MGAT4C: variants seen among roughly 807,000 people sequenced by gnomAD.
MGAT4C encodes the protein alpha-1,3-mannosyl-glycoprotein 4-beta-N-acetylglucosaminyltransferase C.
A neutral mutation model predicts 40.1 loss-of-function variants in MGAT4C; 19 were observed. The ratio of observed to expected loss-of-function variants is 0.47; its 90% CI spans 0.33 to 0.70. MGAT4C has a LOEUF of 0.70. Ranked by LOEUF, MGAT4C falls within the 30% of genes least tolerant of loss-of-function variation. The pLI is 0.02. For missense variants in MGAT4C, 491 were observed against 563.2 expected (o/e 0.87, Z 1.30); for synonymous variants, 181 against 187.1 (o/e 0.97, Z 0.27).
chr12:86,200,544 C>T (rs1242142478), intron 1 of MGAT4C, among the ~76,000 whole-genome samples: 1 of 152,026 alleles, frequency 6.6e-6, no homozygotes, highest in Non-Finnish European at 1.5e-5. Flanking sequence ...TTTAGGCCTT[C>T]TAGTAGATAA....
chr12:86,042,911 A>G (rs73380012), intron 2 of MGAT4C, among the ~76,000 whole-genome samples: 12,615 of 150,922 alleles, frequency 0.084, 1,192 homozygotes, highest in African/African-American at 0.23. Context: ...TAGGCCCCCA[A>G]TATTTTCTGG....
At chr12:86,418,613 T>C (rs1046739498) in intron 3 of MGAT4C, among the ~76,000 whole-genome samples, 1 of 151,290 alleles carries the variant, frequency 6.6e-6, no homozygotes, top group African/African-American at 2.4e-5. Flanking sequence ...AATAAATAAA[T>C]AAATAAATAA....
intron 2 of MGAT4C, among the ~76,000 whole-genome samples, chr12:86,711,413 C>T (rs1263975256): frequency 6.6e-6 from 1 of 152,002 alleles, no homozygotes; most frequent in Non-Finnish European, 1.5e-5. Context: ...GAGATGGGCA[C>T]ATTGGCCCAA....
At chr12:86,757,610 T>C (rs1951327882) in intron 1 of MGAT4C, among the ~76,000 whole-genome samples, 2 of 152,174 alleles carry the variant, frequency 1.3e-5, no homozygotes, top group African/African-American at 4.8e-5. Context: ...TTCCAGGTGA[T>C]ACCTGCATAG....
chr12:86,690,366 A>G (rs890410490), intron 2 of MGAT4C, among the ~76,000 whole-genome samples: 1 of 152,130 alleles, frequency 6.6e-6, no homozygotes, highest in Non-Finnish European at 1.5e-5. Flanking sequence ...GGGGTACGAA[A>G]AAGACTCCTG....
chr12:86,388,848 AT>A (rs1225238302), intron 3 of MGAT4C, among the ~76,000 whole-genome samples: 2 of 151,046 alleles, frequency 1.3e-5, no homozygotes, highest in Admixed American at 6.6e-5. Flanking sequence ...TGCCTGGCTA[AT>A]TTTTTTGTAT....
At chr12:86,357,488 G>T (rs943025444) in intron 3 of MGAT4C, among the ~76,000 whole-genome samples, 2 of 152,172 alleles carry the variant, frequency 1.3e-5, no homozygotes, top group African/African-American at 4.8e-5. Flanking sequence ...TTGACAAGTT[G>T]AGAGAAGAAG....
chr12:86,221,521 T>A (rs1378235663), intron 1 of MGAT4C, among the ~76,000 whole-genome samples: 1 of 152,130 alleles, frequency 6.6e-6, no homozygotes, highest in Non-Finnish European at 1.5e-5. Context: ...AAGAAGGGAA[T>A]TGTTAAATTA....
intron 2 of MGAT4C, among the ~76,000 whole-genome samples, chr12:86,695,969 T>C (rs149394070): frequency 5.8e-4 from 88 of 152,018 alleles, no homozygotes; most frequent in African/African-American, 1.6e-3. Context: ...CTCAGCACTT[T>C]GGGAGGCTGA....
rs117159019 is a variant in MGAT4C at position 86,770,760 on chromosome 12, T to C, written c.-261-43519A>G. On this transcript the variant is annotated intron_variant, in intron 1 of 7. Coordinates refer to the MGAT4C transcript ENST00000548651. ...TAATCTTAATCTTCCCTATTTGAAA[T>C]TTAGGTGTCAAATTAGAAAAAGGGA... 9.9e-5 allele frequency among the ~76,000 whole-genome samples: 15 copies of C among 152,192 alleles called. No homozygotes were observed. The East Asian group carries it at 2.3e-3, about 24-fold the overall frequency.
At chr12:86,802,636 C>G (rs958496218) in intron 1 of MGAT4C, among the ~76,000 whole-genome samples, 24 of 150,812 alleles carry the variant, frequency 1.6e-4, no homozygotes, top group Non-Finnish European at 2.5e-4. Context: ...AAACAGAGAG[C>G]CAAATCATGA....
At chr12:86,357,306 C>A (rs565017074) in intron 3 of MGAT4C, among the ~76,000 whole-genome samples, 6 of 152,164 alleles carry the variant, frequency 3.9e-5, no homozygotes, top group African/African-American at 1.2e-4. Context: ...ACATCCACAC[C>A]AAAACCCCAT....
At chr12:86,143,197 A>G (rs1883073761) in intron 1 of MGAT4C, among the ~76,000 whole-genome samples, 1 of 152,106 alleles carries the variant, frequency 6.6e-6, no homozygotes, top group Non-Finnish European at 1.5e-5. Context: ...GGGGCCCAAT[A>G]TTTACCTGGG....
chr12:86,375,016 T>G (rs1379993241), intron 3 of MGAT4C, among the ~76,000 whole-genome samples: 1 of 152,120 alleles, frequency 6.6e-6, no homozygotes, highest in East Asian at 1.9e-4. Context: ...TTGCCAACAC[T>G]TTCTTATGTT....
At chr12:86,013,265 T>G (rs986576124) in intron 2 of MGAT4C, among the ~76,000 whole-genome samples, 1 of 152,204 alleles carries the variant, frequency 6.6e-6, no homozygotes, top group African/African-American at 2.4e-5. Flanking sequence ...CAAGTAATTT[T>G]TTTTTGGAGA....
intron 1 of MGAT4C, among the ~76,000 whole-genome samples, chr12:86,183,771 A>C (rs1360191329): frequency 6.6e-6 from 1 of 152,056 alleles, no homozygotes; most frequent in Non-Finnish European, 1.5e-5. Flanking sequence ...AAGAGAGATA[A>C]ATCTCTCTCT....
intron 1 of MGAT4C, among the ~76,000 whole-genome samples, chr12:86,211,433 A>AAAAAAAAAAC: frequency 7.1e-6 from 1 of 141,506 alleles, no homozygotes; most frequent in African/African-American, 2.5e-5. Context: ...AAAAAAAAAA[A>AAAAAAAAAAC]AAAATTAGCC....
At chr12:86,724,484 T>C (rs1484442037) in intron 2 of MGAT4C, among the ~76,000 whole-genome samples, 1 of 152,170 alleles carries the variant, frequency 6.6e-6, no homozygotes, top group East Asian at 1.9e-4. Context: ...TCCTCTGGCC[T>C]ACCATATTAT....
rs2136638567 is a variant in MGAT4C at position 85,958,909 on chromosome 12, A to G, written c.*20380T>C. ...TTGTATAAAATTTTACAAACTTTAT[A>G]TTTTTGCATACACTTATCTTCCTGG... On this transcript the variant is annotated 3_prime_UTR_variant, in exon 5 of 5. Transcript: ENST00000611864. 6.6e-6 allele frequency: 1 copy of G among 152,136 alleles called. No individual in the cohort carries two copies. The highest frequency in any genetic ancestry group is 1.5e-5 in the Non-Finnish European group (1 of 67,972). 9.4% of individuals were successfully genotyped at this position (152,136 alleles called of 1,614,324 possible).
Sources: allele counts gnomAD v4.1 joint callset (sites outside exome capture counted in the v4.1 genomes callset), GRCh38; gene constraint gnomAD v4.1.1; transcripts MANE v1.5; gene names NCBI Gene and HGNC (gene_info 2026-07-23, HGNC 2026-07-21).